The following DAB1 variants were observed in gnomAD, a reference collection of about 807,000 sequenced individuals.
The protein encoded by DAB1 is disabled homolog 1.
DAB1 carries 15 observed loss-of-function variants against 64.6 expected under a neutral mutation model. That is an observed-to-expected ratio of 0.23 (90% CI 0.16 to 0.36). The LOEUF is 0.36. Among genes scored for constraint, DAB1 ranks in the 10% least tolerant of loss-of-function variants. The pLI is 1.00. For synonymous variants in DAB1, 235 were observed against 251.9 expected (o/e 0.93, Z 0.64); for missense variants, 596 against 706.7 (o/e 0.84, Z 1.78).
At chr1:57,693,511 A>C (rs1315475696) in intron 6 of DAB1, among the ~76,000 whole-genome samples, 1 of 150,712 alleles carries the variant, frequency 6.6e-6, no homozygotes, top group African/African-American at 2.5e-5. Flanking sequence ...AGCACTCTGT[A>C]AAATGGACCA....
intron 6 of DAB1, among the ~76,000 whole-genome samples, chr1:57,753,526 T>A (rs1346896313): frequency 6.6e-6 from 1 of 152,228 alleles, no homozygotes; most frequent in Non-Finnish European, 1.5e-5. Flanking sequence ...TTTTCTCATA[T>A]GTAAAATGGG....
chr1:57,231,359 G>A (rs1164200013), intron 2 of DAB1, among the ~76,000 whole-genome samples: 2 of 152,110 alleles, frequency 1.3e-5, no homozygotes, highest in Non-Finnish European at 1.5e-5. Context: ...ATACTGTATT[G>A]TTACTTACTG....
intron 5 of DAB1, among the ~76,000 whole-genome samples, chr1:58,088,829 C>T (rs935920407): frequency 1.3e-5 from 2 of 152,074 alleles, no homozygotes; most frequent in African/African-American, 2.4e-5. Flanking sequence ...GGCTACAACA[C>T]CATGTGATAA....
At chr1:57,711,442 C>A (rs984725873) in intron 6 of DAB1, among the ~76,000 whole-genome samples, 7 of 152,198 alleles carry the variant, frequency 4.6e-5, no homozygotes, top group African/African-American at 1.7e-4. Flanking sequence ...TGGCTTCTTC[C>A]TGCTGACAGG....
chr1:58,430,222 G>T (rs1057186040), intron 3 of DAB1, among the ~76,000 whole-genome samples: 3 of 152,190 alleles, frequency 2.0e-5, no homozygotes, highest in Non-Finnish European at 4.4e-5. Flanking sequence ...CTTGTAGCTG[G>T]TTGTGAAGGC....
At chr1:57,891,035 G>A (rs912796391) in intron 5 of DAB1, among the ~76,000 whole-genome samples, 5 of 152,152 alleles carry the variant, frequency 3.3e-5, no homozygotes, top group Admixed American at 2.0e-4. Flanking sequence ...AAACTAAAGA[G>A]CTTCTGCACA....
intron 3 of DAB1, among the ~76,000 whole-genome samples, chr1:57,143,947 T>C (rs1052011592): frequency 6.6e-6 from 1 of 151,618 alleles, no homozygotes; most frequent in Non-Finnish European, 1.5e-5. Flanking sequence ...TTTATGTATA[T>C]GTATATATGC....
chr1:58,510,955 A>T lies in DAB1; in HGVS notation n.108-4746T>A, dbSNP rs1297342088. 2.0e-5 allele frequency among the ~76,000 whole-genome samples: 3 copies of T among 152,276 alleles called. No individual in the cohort carries two copies. In the East Asian group the frequency reaches 5.8e-4, roughly 29 times the overall value. On this transcript the variant is annotated intron_variant and non_coding_transcript_variant, in intron 2 of 20. Transcript: ENST00000485760. The stretch of plus-strand genomic sequence containing the variant: ...TACACTAAAAAGTATCTAAAAAAAA[A>T]CTGATGAAAGAAATTAAAGACAACT...
chr1:58,250,639 T>C (rs1660770122), intron 4 of DAB1, among the ~76,000 whole-genome samples: 1 of 152,194 alleles, frequency 6.6e-6, no homozygotes, highest in African/African-American at 2.4e-5. Context: ...CTGACCGACC[T>C]GGCCTGAATG....
chr1:57,598,854 T>C (rs1268751028), intron 7 of DAB1, among the ~76,000 whole-genome samples: 1 of 152,186 alleles, frequency 6.6e-6, no homozygotes, highest in African/African-American at 2.4e-5. Flanking sequence ...CTTTAGGAGC[T>C]GATATGATCG....
At chr1:57,080,585 A>G (rs1302764984) in intron 4 of DAB1, among the ~76,000 whole-genome samples, 1 of 152,194 alleles carries the variant, frequency 6.6e-6, no homozygotes, top group East Asian at 1.9e-4. Flanking sequence ...GCCTAAATAT[A>G]GGGAGATGCA....
At chr1:57,124,379 G>A (rs1656939775) in intron 4 of DAB1, among the ~76,000 whole-genome samples, 1 of 152,042 alleles carries the variant, frequency 6.6e-6, no homozygotes, top group Non-Finnish European at 1.5e-5. Context: ...GTCATGAGAT[G>A]ATGCATCTCA....
intron 4 of DAB1, among the ~76,000 whole-genome samples, chr1:58,286,372 A>T (rs1661682145): frequency 6.6e-6 from 1 of 152,240 alleles, no homozygotes; most frequent in African/African-American, 2.4e-5. Flanking sequence ...ATCAGAGTGA[A>T]CAGACAACCT....
chr1:57,900,191 A>G (rs1351496194), intron 5 of DAB1, among the ~76,000 whole-genome samples: 2 of 152,114 alleles, frequency 1.3e-5, no homozygotes, highest in East Asian at 1.9e-4. Context: ...TGCAAGTGCT[A>G]TTGGTTACAG....
intron 6 of DAB1, among the ~76,000 whole-genome samples, chr1:57,777,315 T>C (rs996081700): frequency 1.3e-5 from 2 of 151,718 alleles, no homozygotes; most frequent in Non-Finnish European, 2.9e-5. Flanking sequence ...TCCTGCTTGA[T>C]TTTCATTTAA....
intron 7 of DAB1, among the ~76,000 whole-genome samples, chr1:57,521,856 T>A (rs1443748879): frequency 1.3e-5 from 2 of 152,116 alleles, no homozygotes; most frequent in African/African-American, 2.4e-5. Context: ...ATGCCTGTAA[T>A]CCCAGCACTT....
chr1:58,106,416 T>C (rs1462035847), intron 5 of DAB1, among the ~76,000 whole-genome samples: 1 of 152,214 alleles, frequency 6.6e-6, no homozygotes, highest in Non-Finnish European at 1.5e-5. Flanking sequence ...ACTCTTGGGC[T>C]CAAGGGATCC....
intron 5 of DAB1, among the ~76,000 whole-genome samples, chr1:58,053,236 C>T (rs1232551066): frequency 1.3e-5 from 2 of 152,082 alleles, no homozygotes; most frequent in Non-Finnish European, 2.9e-5. Flanking sequence ...TTTTGTGTAG[C>T]TATGAAGGAA....
Position 57,192,031 on chromosome 1 carries a change from G to T in DAB1, c.68-46602C>A, listed in dbSNP as rs146539902. ...CAGCACAGTGGTTAAGAGTAGTGTGGCTAAGGCTGGGCACGATGGCTCACA... is the reference window on the plus strand; with the variant it reads ...CAGCACAGTGGTTAAGAGTAGTGTGTCTAAGGCTGGGCACGATGGCTCACA... On this transcript the variant is annotated intron_variant, in intron 2 of 14. Transcript: ENST00000371236. Among the ~76,000 whole-genome samples, 129 of 152,102 alleles carry T rather than the reference G, an allele frequency of 8.5e-4. No individual in the cohort carries two copies. In the Middle Eastern group the frequency reaches 0.01, roughly 12 times the overall value.
Sources: allele counts gnomAD v4.1 joint callset (sites outside exome capture counted in the v4.1 genomes callset), GRCh38; gene constraint gnomAD v4.1.1; transcripts MANE v1.5; gene names NCBI Gene and HGNC (gene_info 2026-07-23, HGNC 2026-07-21).